TUBA1C: variants seen among roughly 807,000 people sequenced by gnomAD.
The protein encoded by TUBA1C is tubulin alpha-1C chain.
Under a neutral mutation model 34.9 loss-of-function variants are expected in TUBA1C, and 16 were observed. The ratio of observed to expected loss-of-function variants is 0.46; its 90% CI spans 0.31 to 0.70. The LOEUF (loss-of-function observed/expected upper bound fraction) is 0.70, where lower values mean the gene tolerates loss of function less well. Among genes scored for constraint, TUBA1C ranks in the 30% least tolerant of loss-of-function variants. The pLI, the probability that TUBA1C is intolerant of heterozygous loss-of-function variation, is 0.05. For missense variants in TUBA1C, 329 were observed against 587.3 expected, an observed-to-expected ratio of 0.56 and a Z score of 4.55; for synonymous variants, 177 against 215.9, an observed-to-expected ratio of 0.82 and a Z score of 1.58.
At chr12:49,249,019 A>C (rs550254381) in intron 1 of TUBA1C, among the ~76,000 whole-genome samples, 1 of 152,320 alleles carries the variant, frequency 6.6e-6, no homozygotes, top group East Asian at 1.9e-4. Context: ...AACTGAGTAA[A>C]AATGAAAATA....
Position 49,249,352 on chromosome 12 carries a change from G to A in TUBA1C, c.214-20113G>A, listed in dbSNP as rs1186052186. 3.9e-5 allele frequency among the ~76,000 whole-genome samples: 6 copies of A among 152,006 alleles called. 1 individual carries two copies. The highest frequency in any genetic ancestry group is 8.8e-5 in the Non-Finnish European group (6 of 68,016). On this transcript the variant is annotated intron_variant, in intron 1 of 3. Coordinates refer to the TUBA1C transcript ENST00000541364. ...GGAGGCAGGAGAATCACTTGAACCC[G>A]GGAGGCGGAGGTTGTGGTGAGCTGA...
chr12:49,260,953 C>G (rs937026860), upstream of TUBA1C, among the ~76,000 whole-genome samples: 1 of 152,090 alleles, frequency 6.6e-6, no homozygotes, highest in Non-Finnish European at 1.5e-5. Context: ...AGGCTGGTCT[C>G]GAACTCCTGG....
At chr12:49,229,674 G>GGTGT (rs3884374) in intron 1 of TUBA1C, among the ~76,000 whole-genome samples, 2,221 of 150,150 alleles carry the variant, frequency 0.015, 43 homozygotes, top group African/African-American at 0.048. Flanking sequence ...TTTGCATAGA[G>GGTGT]GTGTGTGTGT....
chr12:49,240,637 G>A (rs933653498), intron 1 of TUBA1C, among the ~76,000 whole-genome samples: 4 of 152,212 alleles, frequency 2.6e-5, no homozygotes, highest in East Asian at 1.9e-4. Flanking sequence ...ACCCATGCTC[G>A]AGTGCAGTGG....
At chr12:49,265,922 A>T (rs1942901886) in intron 1 of TUBA1C, among the ~76,000 whole-genome samples, 2 of 149,926 alleles carry the variant, frequency 1.3e-5, no homozygotes, top group South Asian at 4.3e-4. Context: ...GTTCGAGACA[A>T]ACCTGGCGAA....
chr12:49,265,653 T>C (rs1363276186), intron 1 of TUBA1C, among the ~76,000 whole-genome samples: 1 of 152,232 alleles, frequency 6.6e-6, no homozygotes, highest in Non-Finnish European at 1.5e-5. Flanking sequence ...GACTCGCTGC[T>C]GAGTCACCTG....
intron 1 of TUBA1C, among the ~76,000 whole-genome samples, chr12:49,244,163 AAAG>A (rs1942645754): frequency 6.6e-6 from 1 of 151,866 alleles, no homozygotes; most frequent in African/African-American, 2.4e-5. Context: ...AAAAAAAAAA[AAAG>A]AAAAAAAAAT....
At chr12:49,253,798 A>T (rs1298334179) in intron 1 of TUBA1C, among the ~76,000 whole-genome samples, 1 of 152,194 alleles carries the variant, frequency 6.6e-6, no homozygotes, top group South Asian at 2.1e-4. Context: ...AAAGTGGCCT[A>T]TAATTTTATT....
intron 1 of TUBA1C, among the ~76,000 whole-genome samples, chr12:49,231,364 G>T (rs1270293832): frequency 6.6e-6 from 1 of 152,044 alleles, no homozygotes; most frequent in Non-Finnish European, 1.5e-5. Flanking sequence ...GTAGATATAG[G>T]ATCTTGTGTT....
chr12:49,262,756 G>A (rs1339860432), upstream of TUBA1C, among the ~76,000 whole-genome samples: 1 of 152,018 alleles, frequency 6.6e-6, no homozygotes, highest in Non-Finnish European at 1.5e-5. Context: ...CTCCAGCCTG[G>A]GCAACAGAGC....
At chr12:49,228,303 G>A (rs1446992603) in intron 1 of TUBA1C, 2 of 811,340 alleles carry the variant, frequency 2.5e-6, no homozygotes, top group African/African-American at 1.7e-5. Flanking sequence ...TGGCATTAGT[G>A]TTTATCTTAT....
intron 1 of TUBA1C, among the ~76,000 whole-genome samples, chr12:49,232,486 C>T (rs1238273496): frequency 6.6e-6 from 1 of 152,138 alleles, no homozygotes; most frequent in Non-Finnish European, 1.5e-5. Context: ...GGGAGTGGCA[C>T]GCCTATTCCT....
chr12:49,267,660 A>G (rs973474683), intron 1 of TUBA1C, among the ~76,000 whole-genome samples: 5 of 152,160 alleles, frequency 3.3e-5, no homozygotes, highest in Admixed American at 3.3e-4. Context: ...ACATGATGCA[A>G]TGGTAAATAG....
chr12:49,235,092 A>C (rs1462362470), intron 1 of TUBA1C, among the ~76,000 whole-genome samples: 3 of 149,664 alleles, frequency 2.0e-5, no homozygotes, highest in Non-Finnish European at 3.0e-5. Context: ...CTGGGATTAC[A>C]GGCGTGAGCG....
intron 1 of TUBA1C, among the ~76,000 whole-genome samples, chr12:49,253,539 T>C (rs768194127): frequency 1.3e-5 from 2 of 151,698 alleles, no homozygotes; most frequent in Non-Finnish European, 2.9e-5. Context: ...GGGGAGGGGA[T>C]ACTCATTTTA....
intron 1 of TUBA1C, among the ~76,000 whole-genome samples, chr12:49,252,432 T>C (rs980706498): frequency 1.3e-5 from 2 of 152,242 alleles, no homozygotes; most frequent in African/African-American, 4.8e-5. Flanking sequence ...ATGGAAGACA[T>C]AGCAGTAGGG....
intron 3 of TUBA1C, 93 bp from the exon 4 acceptor site, chr12:49,272,160 C>T: frequency 1.3e-6 from 2 of 1,523,124 alleles, no homozygotes; most frequent in East Asian, 2.3e-5. Context: ...TTGGAGTAGC[C>T]ATAGATTTAT....
intron 1 of TUBA1C, among the ~76,000 whole-genome samples, chr12:49,237,914 G>A (rs1454074964): frequency 6.6e-6 from 1 of 151,972 alleles, no homozygotes; most frequent in Non-Finnish European, 1.5e-5. Flanking sequence ...TTTGAGACTA[G>A]CCTGGCCAAC....
At chr12:49,229,951 C>T (rs1003060670) in intron 1 of TUBA1C, among the ~76,000 whole-genome samples, 18 of 152,062 alleles carry the variant, frequency 1.2e-4, no homozygotes, top group African/African-American at 3.4e-4. Context: ...CCATACCTGG[C>T]TAATTTTTGT....
Sources: gnomAD v4.1 joint callset for allele counts (sites outside exome capture counted in the v4.1 genomes callset) on GRCh38, gnomAD v4.1.1 for gene constraint, MANE v1.5 for transcripts, NCBI Gene and HGNC (gene_info 2026-07-23, HGNC 2026-07-21) for gene names.